Variants in FRMD3 observed in about 807,000 individuals in gnomAD.
FRMD3 encodes the protein FERM domain-containing protein 3.
A neutral mutation model predicts 70.2 loss-of-function variants in FRMD3; 33 were observed. The ratio of observed to expected loss-of-function variants is 0.47; its 90% CI spans 0.36 to 0.63. The LOEUF (loss-of-function observed/expected upper bound fraction) is 0.63, where lower values mean the gene tolerates loss of function less well. FRMD3 is among the 20% of genes least tolerant of loss of function. The probability of loss-of-function intolerance (pLI) is 0.00; values close to 1 mark genes in which losing one functional copy is unlikely to be tolerated. For synonymous variants in FRMD3, 279 were observed against 255.9 expected (o/e 1.09, Z -0.86); for missense variants, 632 against 711.4 (o/e 0.89, Z 1.27).
chr9:83,497,875 C>A (rs148878552), intron 1 of FRMD3, among the ~76,000 whole-genome samples: 133 of 152,294 alleles, frequency 8.7e-4, no homozygotes, highest in African/African-American at 3.0e-3. Context: ...TGGCCAGGAG[C>A]GATAGCTCAT....
chr9:83,288,755 C>T (rs1028360676), intron 13 of FRMD3, among the ~76,000 whole-genome samples: 1 of 152,180 alleles, frequency 6.6e-6, no homozygotes, highest in Admixed American at 6.5e-5. Context: ...CATACAGTTG[C>T]TATGTCAAAA....
the FRMD3 span, among the ~76,000 whole-genome samples, chr9:83,564,746 G>C: frequency 5.4e-4 from 82 of 152,240 alleles, 1 homozygote; most frequent in Middle Eastern, 3.4e-3. Context: ...CTGATTGCTG[G>C]CACAAAATAC....
intron 1 of FRMD3, among the ~76,000 whole-genome samples, chr9:83,523,993 C>T (rs1267078762): frequency 2.0e-5 from 3 of 152,192 alleles, no homozygotes; most frequent in Non-Finnish European, 4.4e-5. Flanking sequence ...GTGTATTTTC[C>T]ATCCCTACTC....
chr9:83,342,300 C>G (rs1313137268), intron 5 of FRMD3, among the ~76,000 whole-genome samples: 1 of 151,124 alleles, frequency 6.6e-6, no homozygotes, highest in Non-Finnish European at 1.5e-5. Flanking sequence ...ACATTCAGAA[C>G]CCAACCGACA....
chr9:83,573,096 T>C, the FRMD3 span, among the ~76,000 whole-genome samples: 1 of 151,214 alleles, frequency 6.6e-6, no homozygotes, highest in Non-Finnish European at 1.5e-5. Context: ...ATTCATGTAG[T>C]GGTGAGATTG....
chr9:83,300,112 C>A (rs1033879523), intron 10 of FRMD3, among the ~76,000 whole-genome samples: 1 of 152,238 alleles, frequency 6.6e-6, no homozygotes, highest in Non-Finnish European at 1.5e-5. Context: ...AAGACATGCA[C>A]GGAGCCAGGG....
intron 3 of FRMD3, among the ~76,000 whole-genome samples, chr9:83,363,790 G>A (rs1272867502): frequency 1.3e-5 from 2 of 152,040 alleles, no homozygotes; most frequent in Non-Finnish European, 2.9e-5. Context: ...TCCTGACCTC[G>A]TGATCCGCCC....
chr9:83,495,784 T>C (rs540304512), intron 1 of FRMD3, among the ~76,000 whole-genome samples: 18 of 152,254 alleles, frequency 1.2e-4, no homozygotes, highest in Non-Finnish European at 2.4e-4. Flanking sequence ...GTATTTTTTC[T>C]GTGTGGTCAC....
intron 6 of FRMD3, among the ~76,000 whole-genome samples, chr9:83,319,321 T>G (rs922474084): frequency 6.6e-6 from 1 of 152,194 alleles, no homozygotes; most frequent in African/African-American, 2.4e-5. Context: ...GTTCAAGGTC[T>G]TATGTTTAGG....
At chr9:83,546,933 A>AAAAAAAAG in the FRMD3 span, among the ~76,000 whole-genome samples, 2 of 148,806 alleles carry the variant, frequency 1.3e-5, no homozygotes, top group Non-Finnish European at 3.0e-5. Context: ...TGGATTTTTG[A>AAAAAAAAG]AAAAAAAGAT....
At chr9:83,555,059 C>T in the FRMD3 span, among the ~76,000 whole-genome samples, 1 of 152,204 alleles carries the variant, frequency 6.6e-6, no homozygotes, top group African/African-American at 2.4e-5. Context: ...GAAATGGCTG[C>T]AGACCCCAGT....
At chr9:83,555,409 G>A in the FRMD3 span, among the ~76,000 whole-genome samples, 1 of 151,952 alleles carries the variant, frequency 6.6e-6, no homozygotes, top group Admixed American at 6.6e-5. Flanking sequence ...GCCAAATTTG[G>A]TAGAGCACCT....
intron 1 of FRMD3, among the ~76,000 whole-genome samples, chr9:83,442,421 CT>C (rs1827327928): frequency 6.6e-6 from 1 of 151,940 alleles, no homozygotes; most frequent in South Asian, 2.1e-4. Flanking sequence ...GCACACCTGG[CT>C]AATTTTTGTA....
chr9:83,358,897 C>T lies in FRMD3; in HGVS notation c.296-9140G>A, dbSNP rs529242924. Among the ~76,000 whole-genome samples the T allele has an allele frequency of 2.0e-5, 3 of 152,044 alleles. No homozygotes were observed. In the East Asian group the frequency reaches 5.8e-4, roughly 29 times the overall value. On this transcript the variant is annotated intron_variant, in intron 3 of 13. Transcript: ENST00000304195. ...ACATATGCAAAATGACGCTTGAGCACCTAAAGGGGAGAACATTGCTCACTC... is the reference window on the plus strand; with the variant it reads ...ACATATGCAAAATGACGCTTGAGCATCTAAAGGGGAGAACATTGCTCACTC...
At chr9:83,408,846 C>T (rs1055293725) in intron 1 of FRMD3, among the ~76,000 whole-genome samples, 2 of 152,144 alleles carry the variant, frequency 1.3e-5, no homozygotes, top group Non-Finnish European at 2.9e-5. Flanking sequence ...GAAGATTAAC[C>T]ATTCAGGTGC....
At chr9:83,479,024 T>A (rs1186585935) in intron 1 of FRMD3, among the ~76,000 whole-genome samples, 2 of 152,060 alleles carry the variant, frequency 1.3e-5, no homozygotes, top group Non-Finnish European at 2.9e-5. Flanking sequence ...AAAGAATGAA[T>A]AAACTAAGAT....
At chr9:83,274,440 C>A (rs957735686) in intron 13 of FRMD3, among the ~76,000 whole-genome samples, 2 of 152,092 alleles carry the variant, frequency 1.3e-5, no homozygotes, top group African/African-American at 4.8e-5. Context: ...CTATTAATGC[C>A]ATGTCATGTC....
chr9:83,539,659 G>C (rs1829974814), upstream of FRMD3, among the ~76,000 whole-genome samples: 2 of 152,144 alleles, frequency 1.3e-5, no homozygotes, highest in Admixed American at 1.3e-4. Flanking sequence ...ACCTAGTGGG[G>C]TTGGCTAAGG....
At chr9:83,305,894 C>A (rs1835113760) in intron 10 of FRMD3, among the ~76,000 whole-genome samples, 2 of 152,212 alleles carry the variant, frequency 1.3e-5, no homozygotes, top group South Asian at 4.1e-4. Context: ...GAAGCATCCA[C>A]AAGTGACTGG....
Sources: allele counts gnomAD v4.1 joint callset (sites outside exome capture counted in the v4.1 genomes callset), GRCh38; gene constraint gnomAD v4.1.1; transcripts MANE v1.5; gene names NCBI Gene and HGNC (gene_info 2026-07-23, HGNC 2026-07-21).